DNAH14: variants seen among roughly 807,000 people sequenced by gnomAD.
The protein encoded by DNAH14 is dynein axonemal heavy chain 14.
DNAH14 carries 478 observed loss-of-function variants against 520.9 expected under a neutral mutation model. That is an observed-to-expected ratio of 0.92 (90% CI 0.85 to 0.99). The LOEUF is 0.99. Among genes scored for constraint, DNAH14 ranks in the 50% least tolerant of loss-of-function variants. The pLI is 0.00. For missense variants in DNAH14, 4,831 were observed against 5,234.5 expected (o/e 0.92, Z 2.38); for synonymous variants, 1,581 against 1,757.2 (o/e 0.90, Z 2.51).
At chr1:224,944,042 G>T (rs1487538010) in intron 1 of DNAH14, among the ~76,000 whole-genome samples, 3 of 152,114 alleles carry the variant, frequency 2.0e-5, no homozygotes, top group Non-Finnish European at 2.9e-5. Context: ...TCAATTCCTG[G>T]ATATCCTTGT....
At chr1:225,075,680 A>G (rs1163484284) in intron 17 of DNAH14, among the ~76,000 whole-genome samples, 1 of 151,946 alleles carries the variant, frequency 6.6e-6, no homozygotes, top group African/African-American at 2.4e-5. Flanking sequence ...GTGGGACCCT[A>G]CCTCTAAAAA....
rs143909131 is a variant in DNAH14 at position 225,157,338 on chromosome 1, A to G, written c.5274-1976A>G. The stretch of plus-strand genomic sequence containing the variant: ...CACAAAGTGGGTCTCAACTAATTCC[A>G]AAAAAGTGGTATGATGAAGACAATC... On this transcript the variant is annotated intron_variant, in intron 34 of 85. Coordinates refer to ENST00000682510, the MANE Select transcript of DNAH14 (RefSeq NM_001367479.1). Among the ~76,000 whole-genome samples the G allele has an allele frequency of 3.1e-3, 473 of 152,284 alleles. 3 individuals carry two copies. Among genetic ancestry groups the G allele is most frequent in the African/African-American group, 0.011 (450 of 41,560 alleles).
intron 85 of DNAH14, 69 bp from the exon 86 acceptor site, chr1:225,398,985 C>T: frequency 8.4e-7 from 1 of 1,186,682 alleles, no homozygotes; most frequent in East Asian, 2.6e-5. Context: ...GCCTAGCATA[C>T]AGAAAATGTG....
At chr1:225,212,061 C>G (rs1224741073) in intron 41 of DNAH14, among the ~76,000 whole-genome samples, 1 of 113,588 alleles carries the variant, frequency 8.8e-6, no homozygotes, top group Non-Finnish European at 1.7e-5. Flanking sequence ...CCCCCCTCCC[C>G]CCACCCCAAG....
Position 225,367,860 on chromosome 1 carries a change from G to A in DNAH14, c.12146G>A (p.Cys4049Tyr). 6.4e-7 allele frequency: 1 copy of A among 1,551,574 alleles called. No individual in the cohort carries two copies. Among genetic ancestry groups the A allele is most frequent in the Non-Finnish European group, 8.7e-7 (1 of 1,146,866 alleles). ...AGTAACTTACTTCAGACATTTGGAT[G>A]TACTGGGAGTGGAGAGGTAACAGAA... The part of the protein sequence containing the change: ...LKSNLLQTFG[C>Y]TGSGEVTEEI... Residue 4049 changes from cysteine to tyrosine, a missense_variant, in exon 77 of 86, where the codon TGT becomes TAT. Physicochemically the swap from Cys to Tyr is radical, Grantham distance 194. Transcript: ENST00000682510.
chr1:225,037,350 T>C (rs946299329), intron 11 of DNAH14, among the ~76,000 whole-genome samples: 7 of 152,178 alleles, frequency 4.6e-5, no homozygotes, highest in Admixed American at 4.6e-4. Context: ...TCTGGTGATA[T>C]GTTTTAATTT....
At chr1:225,125,046 T>G (rs1365221363) in intron 27 of DNAH14, among the ~76,000 whole-genome samples, 2 of 152,218 alleles carry the variant, frequency 1.3e-5, no homozygotes, top group African/African-American at 2.4e-5. Context: ...GAATCTTTTT[T>G]TCTTAACAGT....
At chr1:225,193,188 A>G (rs2085674840) in intron 38 of DNAH14, among the ~76,000 whole-genome samples, 1 of 152,182 alleles carries the variant, frequency 6.6e-6, no homozygotes, top group Non-Finnish European at 1.5e-5. Context: ...AAAATGATCT[A>G]GTGATTCCAG....
rs1341442029 is a variant in DNAH14, at chr1:225,258,009, G to A, written c.6915G>A (p.Lys2305=). Residue 2305 remains lysine, a synonymous_variant, in exon 45 of 86, where the codon AAG becomes AAA. Coordinates refer to ENST00000682510, the MANE Select transcript of DNAH14 (RefSeq NM_001367479.1). The part of the protein sequence containing the change: ...NLQRSGGNFL[K]ITECGECINY... ...AAAGATCTGGCGGAAACTTCTTGAA[G>A]ATAACAGAATGTGGAGAATGCATTA... The A allele has an allele frequency of 5.2e-6, 8 of 1,549,456 alleles. No homozygotes were observed. Among genetic ancestry groups the A allele is most frequent in the Middle Eastern group, 3.3e-4 (2 of 6,004 alleles).
rs1373149438 is a variant in DNAH14 at position 225,299,831 on chromosome 1, AG to A, written c.8470-1036del. On this transcript the variant is annotated intron_variant, in intron 55 of 85. Transcript: ENST00000682510. ...CTTTGGCAGTTCTCCATCACATATGAGGTGAGACAGGAAATACGTTAGCCCT... is the reference window on the plus strand; with the variant it reads ...CTTTGGCAGTTCTCCATCACATATGAGTGAGACAGGAAATACGTTAGCCCT... Among the ~76,000 whole-genome samples, 15 of 152,250 alleles carry A rather than the reference AG, an allele frequency of 9.9e-5. No homozygotes were observed. The East Asian group carries it at 2.9e-3, about 29-fold the overall frequency.
At chr1:225,003,727 C>T (rs2063946684) in intron 9 of DNAH14, among the ~76,000 whole-genome samples, 1 of 151,878 alleles carries the variant, frequency 6.6e-6, no homozygotes, top group East Asian at 1.9e-4. Context: ...ATTTTTTATA[C>T]TTATATAGAG....
chr1:225,261,829 T>A (rs2092946282), intron 46 of DNAH14, among the ~76,000 whole-genome samples: 2 of 152,070 alleles, frequency 1.3e-5, no homozygotes, highest in South Asian at 4.1e-4. Flanking sequence ...GATTGGCCAT[T>A]CCTATTTTCT....
chr1:225,113,581 C>G (rs75229902), intron 23 of DNAH14, among the ~76,000 whole-genome samples: 12,493 of 152,244 alleles, frequency 0.082, 1,656 homozygotes, highest in African/African-American at 0.28. Context: ...GTGAGTTCCC[C>G]CTGGGCCCTG....
In DNAH14 at chr1:225,360,779, A is replaced by AT; in HGVS notation, c.11875_11876insT (p.Lys3959IlefsTer3). 2 of 1,551,758 alleles carry AT rather than the reference A, an allele frequency of 1.3e-6. No individual in the cohort carries two copies. Among genetic ancestry groups the AT allele is most frequent in the Non-Finnish European group, 1.7e-6 (2 of 1,146,988 alleles). ...TTCTCTGGGCCGTGACCAAGCAGCT[A>AT]AAGCTGAAGACCTCATTTTAAAGGC... On this transcript the variant is annotated frameshift_variant, in exon 75 of 86. Coordinates refer to ENST00000682510, the MANE Select transcript of DNAH14 (RefSeq NM_001367479.1). LOFTEE classifies it high-confidence loss of function.
At chr1:225,347,201 C>A (rs1401672669) in intron 71 of DNAH14, among the ~76,000 whole-genome samples, 2 of 152,126 alleles carry the variant, frequency 1.3e-5, no homozygotes, top group East Asian at 3.8e-4. Context: ...TTTAAGTCTG[C>A]AAGATGGCAG....
rs1293086299 is a variant in DNAH14, at chr1:225,152,076, A to G, written c.5009+3A>G. The stretch of plus-strand genomic sequence containing the variant: ...GTATTTATCACCATGAATCCCAGGT[A>G]AGTATCAGTAAATCTAGTGGGAATA... On this transcript the variant is annotated splice_donor_region_variant and intron_variant, in intron 32 of 85. Coordinates refer to ENST00000682510, the MANE Select transcript of DNAH14 (RefSeq NM_001367479.1). 3 of 1,548,000 alleles carry G rather than the reference A, an allele frequency of 1.9e-6. No homozygotes were observed. The Admixed American group carries it at 6.0e-5, about 31-fold the overall frequency.
At chr1:225,226,115 C>A (rs2090506498) in intron 41 of DNAH14, among the ~76,000 whole-genome samples, 1 of 152,214 alleles carries the variant, frequency 6.6e-6, no homozygotes, top group Non-Finnish European at 1.5e-5. Context: ...CTGCCTGCAA[C>A]CCGCAACTGT....
At chr1:225,018,930 C>T (rs1255140273) in intron 10 of DNAH14, among the ~76,000 whole-genome samples, 2 of 152,138 alleles carry the variant, frequency 1.3e-5, no homozygotes, top group Admixed American at 1.3e-4. Flanking sequence ...AAAGAACATT[C>T]CCTGCCACCA....
At chr1:225,303,479 G>C in intron 57 of DNAH14, 132 bp downstream of exon 57, 1 of 739,554 alleles carries the variant, frequency 1.4e-6, no homozygotes. Context: ...AATGGATCAA[G>C]TGTTTACAAT....
Sources: gnomAD v4.1 joint callset for allele counts (sites outside exome capture counted in the v4.1 genomes callset) on GRCh38, gnomAD v4.1.1 for gene constraint, MANE v1.5 for transcripts, NCBI Gene and HGNC (gene_info 2026-07-23, HGNC 2026-07-21) for gene names.